Variants in SSH1 observed in about 807,000 individuals in gnomAD.
SSH1 encodes the protein protein phosphatase Slingshot homolog 1.
SSH1 carries 43 observed loss-of-function variants against 79.7 expected under a neutral mutation model. The observed-to-expected ratio is 0.54, with a 90% confidence interval of 0.42 to 0.70. SSH1 has a LOEUF of 0.70. Among genes scored for constraint, SSH1 ranks in the 30% least tolerant of loss-of-function variants. The probability of loss-of-function intolerance (pLI) is 0.00; values close to 1 mark genes in which losing one functional copy is unlikely to be tolerated. For synonymous variants in SSH1, 599 were observed against 538.3 expected (o/e 1.11, Z -1.56); for missense variants, 1,206 against 1,358.8 (o/e 0.89, Z 1.77).
chr12:108,827,987 G>T (rs2038371529), intron 2 of SSH1, among the ~76,000 whole-genome samples: 1 of 152,152 alleles, frequency 6.6e-6, no homozygotes, highest in African/African-American at 2.4e-5. Context: ...GGCTGCAAAG[G>T]TCCTAAAGGT....
At chr12:108,850,970 C>T (rs1314073838) in intron 2 of SSH1, among the ~76,000 whole-genome samples, 1 of 151,980 alleles carries the variant, frequency 6.6e-6, no homozygotes, top group African/African-American at 2.4e-5. Context: ...GACTTCCACT[C>T]CACCCCTCCC....
At chr12:108,829,565 T>C (rs2137220156) in intron 2 of SSH1, among the ~76,000 whole-genome samples, 1 of 152,298 alleles carries the variant, frequency 6.6e-6, no homozygotes, top group East Asian at 1.9e-4. Flanking sequence ...CTTTAAGGAA[T>C]GGGTATATGT....
intron 1 of SSH1, 41 bp from the exon 2 acceptor site, chr12:108,852,719 T>TA (rs758164878): frequency 2.0e-5 from 32 of 1,613,606 alleles, no homozygotes; most frequent in Middle Eastern, 1.6e-4. Context: ...CAGGCACCAC[T>TA]GTCAACACGC....
intron 14 of SSH1, among the ~76,000 whole-genome samples, chr12:108,790,187 G>A (rs144185461): frequency 2.8e-3 from 415 of 148,796 alleles, no homozygotes; most frequent in African/African-American, 9.4e-3. Flanking sequence ...TTTCGCTCTT[G>A]TTGCCCAGGG....
chr12:108,814,651 C>T (rs1004862808), intron 5 of SSH1, among the ~76,000 whole-genome samples: 2 of 152,180 alleles, frequency 1.3e-5, no homozygotes, highest in Admixed American at 6.5e-5. Flanking sequence ...GCCTCTCAAC[C>T]GCCCTCTCCA....
chr12:108,816,034 G>A (rs999448620), intron 5 of SSH1, among the ~76,000 whole-genome samples: 9 of 152,148 alleles, frequency 5.9e-5, no homozygotes, highest in Admixed American at 1.3e-4. Flanking sequence ...CTCCTCAAAT[G>A]CACCTTGCTG....
intron 13 of SSH1, among the ~76,000 whole-genome samples, chr12:108,794,667 G>A (rs566655983): frequency 8.5e-5 from 13 of 152,256 alleles, no homozygotes; most frequent in East Asian, 3.9e-4. Flanking sequence ...AAGTCAAGCC[G>A]GGAAGTGGGT....
chr12:108,806,463 C>A, intron 8 of SSH1, 69 bp from the exon 9 acceptor site: 1 of 1,377,772 alleles, frequency 7.3e-7, no homozygotes, highest in Non-Finnish European at 1.0e-6. Context: ...TACAGGAATG[C>A]CAGATGCTCC....
At chr12:108,842,998 T>A (rs1256329302) in intron 2 of SSH1, among the ~76,000 whole-genome samples, 1 of 152,212 alleles carries the variant, frequency 6.6e-6, no homozygotes, top group Non-Finnish European at 1.5e-5. Context: ...GCTTTATTTT[T>A]TCGCCTGGGC....
chr12:108,839,988 T>C (rs1165355200), intron 2 of SSH1, among the ~76,000 whole-genome samples: 1 of 152,174 alleles, frequency 6.6e-6, no homozygotes, highest in East Asian at 1.9e-4. Context: ...GGGTCAGACA[T>C]GCAAGTGAGC....
At chr12:108,789,559 T>A (rs1329054146) in intron 14 of SSH1, among the ~76,000 whole-genome samples, 3 of 152,142 alleles carry the variant, frequency 2.0e-5, no homozygotes, top group African/African-American at 7.2e-5. Flanking sequence ...ACCCTTCACT[T>A]CCTTACAGGC....
chr12:108,847,470 CT>C (rs1291303729), intron 2 of SSH1, among the ~76,000 whole-genome samples: 1 of 152,142 alleles, frequency 6.6e-6, no homozygotes, highest in Non-Finnish European at 1.5e-5. Context: ...CTTTTATCAA[CT>C]TACTTATTTT....
chr12:108,824,757 C>A (rs2038251012), intron 2 of SSH1, among the ~76,000 whole-genome samples: 2 of 152,166 alleles, frequency 1.3e-5, no homozygotes, highest in Non-Finnish European at 2.9e-5. Context: ...CGTCGTACAT[C>A]AAAAGTTTTT....
intron 11 of SSH1, 116 bp from the exon 12 acceptor site, chr12:108,801,042 T>C (rs2036979197): frequency 9.3e-7 from 1 of 1,076,042 alleles, no homozygotes; most frequent in African/African-American, 1.6e-5. Flanking sequence ...AAGGGTCATA[T>C]GTTCGTGGCG....
chr12:108,797,590 G>A (rs1050338492), intron 13 of SSH1, among the ~76,000 whole-genome samples: 4 of 152,212 alleles, frequency 2.6e-5, no homozygotes, highest in Admixed American at 2.6e-4. Context: ...TCAGCTGGCA[G>A]AGAGAAGCAG....
intron 14 of SSH1, among the ~76,000 whole-genome samples, chr12:108,789,659 C>T (rs556609019): frequency 3.0e-4 from 45 of 152,200 alleles, no homozygotes; most frequent in African/African-American, 9.9e-4. Context: ...TAAGTCTCCG[C>T]GGAGGGAAGG....
rs560605603 is a variant in SSH1 at position 108,822,862 on chromosome 12, G to A, written c.214+396C>T. 2.6e-5 allele frequency among the ~76,000 whole-genome samples: 4 copies of A among 152,290 alleles called. No homozygotes were observed. In the South Asian group the frequency reaches 8.3e-4, roughly 32 times the overall value. ...CAAATGAGTGTTTTTCAAATGCTTGGAGAAATCCATCCCAAGATTAGGTAT... is the reference window on the plus strand; with the variant it reads ...CAAATGAGTGTTTTTCAAATGCTTGAAGAAATCCATCCCAAGATTAGGTAT... On this transcript the variant is annotated intron_variant, in intron 3 of 14. Coordinates refer to ENST00000326495, the MANE Select transcript of SSH1 (RefSeq NM_018984.4).
chr12:108,815,165 C>G (rs1028394464), intron 5 of SSH1, among the ~76,000 whole-genome samples: 2 of 152,158 alleles, frequency 1.3e-5, no homozygotes, highest in Non-Finnish European at 2.9e-5. Flanking sequence ...TTCAGCAGGT[C>G]GACAGGAAAA....
chr12:108,833,754 CAGTA>C (rs2038530231), intron 2 of SSH1: 1 of 152,192 alleles, frequency 6.6e-6, no homozygotes, highest in East Asian at 1.9e-4. Context: ...ACTTAAGATG[CAGTA>C]AGTGTGACCA....
Sources: allele counts gnomAD v4.1 joint callset (sites outside exome capture counted in the v4.1 genomes callset), GRCh38; gene constraint gnomAD v4.1.1; transcripts MANE v1.5; gene names NCBI Gene and HGNC (gene_info 2026-07-23, HGNC 2026-07-21).